Variants in ENTREP2 observed in about 807,000 individuals in gnomAD.
ENTREP2 encodes the protein endosomal transmembrane epsin interactor 2.
the ENTREP2 span, among the ~76,000 whole-genome samples, chr15:29,492,118 T>C: frequency 6.6e-6 from 1 of 151,798 alleles, no homozygotes; most frequent in African/African-American, 2.4e-5. Flanking sequence ...CAGCTAAAAG[T>C]CTCAGGGAGA....
chr15:29,268,754 C>T, the ENTREP2 span: 2 of 1,561,854 alleles, frequency 1.3e-6, no homozygotes, highest in African/African-American at 1.4e-5. Flanking sequence ...CTTTGGGTCT[C>T]AGACCCTTGT....
At chr15:29,366,350 C>T in the ENTREP2 span, among the ~76,000 whole-genome samples, 2 of 152,224 alleles carry the variant, frequency 1.3e-5, no homozygotes, top group South Asian at 4.1e-4. Context: ...GCTGGGATTA[C>T]AGGCGTGAGC....
At chr15:29,588,795 T>TG in the ENTREP2 span, among the ~76,000 whole-genome samples, 1 of 152,022 alleles carries the variant, frequency 6.6e-6, no homozygotes, top group Non-Finnish European at 1.5e-5. Flanking sequence ...CTTAGAGTTC[T>TG]GGGCAACATA....
At chr15:29,590,148 A>C in the ENTREP2 span, among the ~76,000 whole-genome samples, 1 of 152,154 alleles carries the variant, frequency 6.6e-6, no homozygotes, top group African/African-American at 2.4e-5. Flanking sequence ...TGGAATGGGA[A>C]GAAGGCCTCA....
chr15:29,384,182 C>T, the ENTREP2 span, among the ~76,000 whole-genome samples: 2 of 152,296 alleles, frequency 1.3e-5, no homozygotes, highest in African/African-American at 2.4e-5. Flanking sequence ...CCATTCCCGC[C>T]GGAGCTCTCA....
At chr15:29,484,346 C>T in the ENTREP2 span, among the ~76,000 whole-genome samples, 16 of 152,124 alleles carry the variant, frequency 1.1e-4, no homozygotes, top group African/African-American at 3.4e-4. Context: ...ACTGCCCTAG[C>T]GGAAGGAATA....
At chr15:29,141,708 G>C in the ENTREP2 span, among the ~76,000 whole-genome samples, 1 of 152,182 alleles carries the variant, frequency 6.6e-6, no homozygotes, top group Non-Finnish European at 1.5e-5. Context: ...TACAGGGAAG[G>C]GCCTTCTCCC....
the ENTREP2 span, among the ~76,000 whole-genome samples, chr15:29,481,982 A>ATATCTT: frequency 6.6e-6 from 1 of 151,570 alleles, no homozygotes; most frequent in African/African-American, 2.4e-5. Context: ...AGAGTGGTGT[A>ATATCTT]TTTCTTTTTC....
At chr15:29,600,902 C>CTTTTTTTTTTTTTTTTTTTTTTT in the ENTREP2 span, among the ~76,000 whole-genome samples, 2 of 123,622 alleles carry the variant, frequency 1.6e-5, no homozygotes, top group African/African-American at 7.2e-5. Context: ...ATTTTTCTTT[C>CTTTTTTTTTTTTTTTTTTTTTTT]TTTTTTTTTT....
the ENTREP2 span, among the ~76,000 whole-genome samples, chr15:29,667,586 A>T: frequency 7.6e-6 from 1 of 131,938 alleles, no homozygotes; most frequent in Non-Finnish European, 1.6e-5. Context: ...CTCTGCCTCC[A>T]AGGTTCAAGC....
chr15:29,549,439 T>G, the ENTREP2 span, among the ~76,000 whole-genome samples: 3 of 151,980 alleles, frequency 2.0e-5, no homozygotes, highest in Non-Finnish European at 4.4e-5. Context: ...CTGGCTAATT[T>G]TTTTGTATTT....
chr15:29,273,065 C>G, the ENTREP2 span, among the ~76,000 whole-genome samples: 2 of 152,026 alleles, frequency 1.3e-5, no homozygotes. Context: ...GCATTTAGAG[C>G]GGGTGAGGGT....
chr15:29,135,381 C>T, the ENTREP2 span, among the ~76,000 whole-genome samples: 15 of 152,230 alleles, frequency 9.9e-5, no homozygotes, highest in Admixed American at 7.2e-4. This position sits in a 1 kb window ranked among gnomAD's most constrained non-coding sequence, Gnocchi z 7.4. Context: ...AGTGAGCTGT[C>T]GATTTGGTCT....
the ENTREP2 span, among the ~76,000 whole-genome samples, chr15:29,546,893 AAAAACAACAAC>A: frequency 0.29 from 35,808 of 123,442 alleles, 5,632 homozygotes; most frequent in African/African-American, 0.43. Flanking sequence ...TCTCAAAAAA[AAAAACAACAAC>A]AAAAAAAAAA....
chr15:29,295,552 TTACA>T, the ENTREP2 span, among the ~76,000 whole-genome samples: 2 of 152,184 alleles, frequency 1.3e-5, no homozygotes, highest in Non-Finnish European at 2.9e-5. Context: ...TTTCCTATAC[TTACA>T]TACATATGAT....
the ENTREP2 span, among the ~76,000 whole-genome samples, chr15:29,221,086 TCAAGTGAGAGCAC>T: frequency 2.8e-4 from 43 of 152,302 alleles, no homozygotes; most frequent in Admixed American, 1.2e-3. Flanking sequence ...AAGGAAATTG[TCAAGTGAGAGCAC>T]CAAGCCAGAA....
chr15:29,561,791 G>C, the ENTREP2 span, among the ~76,000 whole-genome samples: 542 of 152,194 alleles, frequency 3.6e-3, 6 homozygotes, highest in African/African-American at 0.012. Context: ...AGGCTGGTTT[G>C]GGTGGCAATC....
At chr15:29,388,858 G>A in the ENTREP2 span, among the ~76,000 whole-genome samples, 2 of 150,062 alleles carry the variant, frequency 1.3e-5, no homozygotes, top group African/African-American at 2.5e-5. Context: ...GCAAACTATC[G>A]CAAGGACAAA....
At chr15:29,343,720 G>C in the ENTREP2 span, among the ~76,000 whole-genome samples, 1 of 152,144 alleles carries the variant, frequency 6.6e-6, no homozygotes, top group Non-Finnish European at 1.5e-5. Context: ...GGAAGGATGA[G>C]GGAGGGGTGG....
Sources: gnomAD v4.1 joint callset for allele counts (sites outside exome capture counted in the v4.1 genomes callset) on GRCh38, gnomAD v4.1.1 for gene constraint, Gnocchi (gnomAD v3.1) non-coding constraint, MANE v1.5 for transcripts, NCBI Gene and HGNC (gene_info 2026-07-23, HGNC 2026-07-21) for gene names.